The following GYS2 variants were observed in gnomAD, a reference collection of about 807,000 sequenced individuals.
GYS2 encodes the protein glycogen synthase 2, also known as glycogen [starch] synthase, liver.
In GYS2, 80 loss-of-function variants were observed where a neutral mutation model predicts 85.6. The observed-to-expected ratio is 0.93, with a 90% confidence interval of 0.78 to 1.13. The LOEUF (loss-of-function observed/expected upper bound fraction) is 1.13, where lower values mean the gene tolerates loss of function less well. Ranked by LOEUF, GYS2 falls within the 50% of genes most tolerant of loss-of-function variation. The probability of loss-of-function intolerance (pLI) is 0.00; values close to 1 mark genes in which losing one functional copy is unlikely to be tolerated. For synonymous variants in GYS2, 328 were observed against 300.7 expected (o/e 1.09, Z -0.94); for missense variants, 881 against 854.9 (o/e 1.03, Z -0.38).
intron 5 of GYS2, among the ~76,000 whole-genome samples, chr12:21,565,059 T>G (rs1944301425): frequency 6.6e-6 from 1 of 151,776 alleles, no homozygotes; most frequent in African/African-American, 2.4e-5. Context: ...TTTTCCAAAT[T>G]GTTTCACAAA....
chr12:21,581,054 C>T (rs1272755498), intron 1 of GYS2, among the ~76,000 whole-genome samples: 1 of 152,146 alleles, frequency 6.6e-6, no homozygotes, highest in South Asian at 2.1e-4. Context: ...AAGCACCAAG[C>T]AAAGTACCTT....
chr12:21,535,661 T>C (rs759087), downstream of GYS2, among the ~76,000 whole-genome samples: 111,803 of 152,078 alleles, frequency 0.74, 41,363 homozygotes, highest in East Asian at 0.79. Context: ...TCTTGAACCA[T>C]CTGACACCTT....
intron 5 of GYS2, among the ~76,000 whole-genome samples, chr12:21,564,057 G>C (rs1183678615): frequency 1.3e-5 from 2 of 152,032 alleles, no homozygotes; most frequent in Non-Finnish European, 2.9e-5. Context: ...TCAAAACATT[G>C]GTCTGTGACA....
chr12:21,585,910 G>C (rs896590110), intron 1 of GYS2, among the ~76,000 whole-genome samples: 7 of 152,160 alleles, frequency 4.6e-5, no homozygotes, highest in African/African-American at 1.2e-4. Context: ...GATAGTTTTA[G>C]TATGTTAGGC....
At chr12:21,598,259 A>G (rs1944717683) in intron 1 of GYS2, among the ~76,000 whole-genome samples, 1 of 152,114 alleles carries the variant, frequency 6.6e-6, no homozygotes, top group African/African-American at 2.4e-5. Context: ...TACCCCAAAT[A>G]CCTGACTTGA....
chr12:21,541,022 C>T (rs373732359), intron 13 of GYS2, among the ~76,000 whole-genome samples: 5 of 152,042 alleles, frequency 3.3e-5, no homozygotes, highest in African/African-American at 1.2e-4. Flanking sequence ...CCTGTAATCC[C>T]AGCAGTTTGG....
intron 9 of GYS2, 65 bp downstream of exon 9, chr12:21,559,586 T>G: frequency 1.1e-6 from 1 of 903,616 alleles, no homozygotes; most frequent in South Asian, 1.3e-5. Context: ...TTATGATGTC[T>G]AAATTGTTAA....
chr12:21,567,639 A>G (rs887564482), intron 5 of GYS2, among the ~76,000 whole-genome samples: 1 of 151,886 alleles, frequency 6.6e-6, no homozygotes, highest in Non-Finnish European at 1.5e-5. Flanking sequence ...AGCAAGGAGG[A>G]TATATTAATT....
chr12:21,575,373 G>A (rs1483627840), intron 3 of GYS2, among the ~76,000 whole-genome samples: 1 of 152,118 alleles, frequency 6.6e-6, no homozygotes, highest in Non-Finnish European at 1.5e-5. Flanking sequence ...ACTCCACAAT[G>A]AGAGTTCATT....
intron 11 of GYS2, among the ~76,000 whole-genome samples, chr12:21,552,643 T>G (rs898588050): frequency 1.2e-4 from 18 of 152,228 alleles, no homozygotes; most frequent in Non-Finnish European, 4.4e-5. Context: ...TGTGGCTGCC[T>G]TATGATAATA....
At chr12:21,559,833 C>T (rs1258094937) in intron 8 of GYS2, 123 bp from the exon 9 acceptor site, 2 of 700,536 alleles carry the variant, frequency 2.9e-6, no homozygotes, top group Non-Finnish European at 5.0e-6. Context: ...TTACAGGTAT[C>T]TTTTTTATAG....
intron 4 of GYS2, among the ~76,000 whole-genome samples, chr12:21,571,832 C>T (rs888631861): frequency 2.0e-5 from 3 of 151,854 alleles, no homozygotes; most frequent in African/African-American, 7.3e-5. Context: ...TGTGGTTGTG[C>T]GTGCCTGTAG....
At chr12:21,555,865 G>A (rs1026324270) in intron 11 of GYS2, among the ~76,000 whole-genome samples, 1 of 152,118 alleles carries the variant, frequency 6.6e-6, no homozygotes, top group Non-Finnish European at 1.5e-5. Flanking sequence ...CACCAGCAAG[G>A]GGACCCAGAT....
Position 21,558,222 on chromosome 12 carries a change from T to A in GYS2, c.1400A>T (p.Asn467Ile). The A allele has an allele frequency of 6.2e-7, 1 of 1,611,110 alleles. No homozygotes were observed. The highest frequency in any genetic ancestry group is 8.5e-7 in the Non-Finnish European group (1 of 1,177,222). ...TACCTTGACTCTATCTGTGCGGTTG[T>A]TGAAAAGTCCAATCCGTCTAATGGT... is the stretch of plus-strand genomic sequence containing the variant. ...LSTIRRIGLF[N>I]NRTDRVKVIL... Residue 467 changes from asparagine (N) to isoleucine (I), a missense_variant, in exon 11 of 16, where the codon AAC becomes ATC. By Grantham distance (149) the Asn-to-Ile change is moderately radical (BLOSUM62 -3). Coordinates refer to ENST00000261195, the MANE Select transcript of GYS2 (RefSeq NM_021957.4).
At chr12:21,579,411 T>C (rs916983265) in intron 2 of GYS2, among the ~76,000 whole-genome samples, 4 of 142,998 alleles carry the variant, frequency 2.8e-5, no homozygotes, top group Non-Finnish European at 6.0e-5. Context: ...AGGCGAGCAA[T>C]GGCACGATCT....
chr12:21,573,959 T>G (rs953283586), intron 4 of GYS2, among the ~76,000 whole-genome samples, 185 bp downstream of exon 4: 10 of 152,240 alleles, frequency 6.6e-5, no homozygotes, highest in Non-Finnish European at 1.5e-4. Context: ...TAGTGTACTC[T>G]GAACAAAGTT....
At chr12:21,553,894 T>A (rs1944143027) in intron 11 of GYS2, among the ~76,000 whole-genome samples, 1 of 152,194 alleles carries the variant, frequency 6.6e-6, no homozygotes, top group African/African-American at 2.4e-5. Context: ...GATTACACTA[T>A]CGAAAACTAT....
At chr12:21,589,335 CT>C (rs1187571626) in intron 1 of GYS2, among the ~76,000 whole-genome samples, 3 of 152,186 alleles carry the variant, frequency 2.0e-5, no homozygotes, top group Admixed American at 2.0e-4. Flanking sequence ...ACTTCTTTTA[CT>C]CATCTGAGGC....
intron 11 of GYS2, among the ~76,000 whole-genome samples, chr12:21,552,811 G>C (rs76592166): frequency 0.022 from 3,298 of 151,934 alleles, 127 homozygotes; most frequent in African/African-American, 0.075. Flanking sequence ...CCTGTTATTT[G>C]CATGACAAAT....
Sources: allele counts gnomAD v4.1 joint callset (sites outside exome capture counted in the v4.1 genomes callset), GRCh38; gene constraint gnomAD v4.1.1; transcripts MANE v1.5; gene names NCBI Gene and HGNC (gene_info 2026-07-23, HGNC 2026-07-21).